Variants in SLC4A4 observed in about 807,000 individuals in gnomAD.
The protein encoded by SLC4A4 is solute carrier family 4 member 4.
A neutral mutation model predicts 111.5 loss-of-function variants in SLC4A4; 27 were observed. That is an observed-to-expected ratio of 0.24 (90% CI 0.18 to 0.33). The LOEUF (loss-of-function observed/expected upper bound fraction) is 0.33, where lower values mean the gene tolerates loss of function less well. SLC4A4 is among the 10% of genes least tolerant of loss of function. SLC4A4 has a pLI of 1.00. For synonymous variants in SLC4A4, 443 were observed against 463.4 expected, an observed-to-expected ratio of 0.96 and a Z score of 0.57; for missense variants, 909 against 1,315.5, an observed-to-expected ratio of 0.69 and a Z score of 4.78.
chr4:71,390,225 C>T (rs1719132476), intron 6 of SLC4A4, among the ~76,000 whole-genome samples: 1 of 152,124 alleles, frequency 6.6e-6, no homozygotes, highest in Non-Finnish European at 1.5e-5. Context: ...CTTTGTCAAT[C>T]AAACTCATTG....
At chr4:71,548,600 G>A (rs1735738795) in intron 20 of SLC4A4, among the ~76,000 whole-genome samples, 1 of 151,582 alleles carries the variant, frequency 6.6e-6, no homozygotes, top group African/African-American at 2.4e-5. Context: ...ATTCACCCAT[G>A]GACCTAACAG....
At chr4:71,564,309 T>C (rs998212455) in intron 24 of SLC4A4, among the ~76,000 whole-genome samples, 4 of 151,852 alleles carry the variant, frequency 2.6e-5, no homozygotes, top group African/African-American at 9.7e-5. Flanking sequence ...CTCTCAGTGA[T>C]CAATAAATCA....
At position 71,466,530 on chromosome 4, in the gene SLC4A4, C is replaced by T. The variant is rs766536612; in HGVS notation, c.1584C>T (p.Ser528=). The change falls in exon 13 of 26, where the codon AGC becomes AGT. Residue 528 remains serine, a synonymous_variant. Transcript: ENST00000264485. ...FAGQPLTILS[S]TGPVLVFERL... ...GTCAACCACTCACTATTCTGAGCAG[C>T]ACCGGACCTGTCCTAGTTTTTGAGA... The T allele has an allele frequency of 3.1e-6, 5 of 1,613,528 alleles. No individual in the cohort carries two copies. The highest frequency in any genetic ancestry group is 4.2e-6 in the Non-Finnish European group (5 of 1,179,722).
At chr4:71,443,083 A>ACTCTCTCTCTCTCTCTCTCT (rs1180993467) in intron 8 of SLC4A4, among the ~76,000 whole-genome samples, 2 of 31,450 alleles carry the variant, frequency 6.4e-5, no homozygotes, top group African/African-American at 3.9e-4. Context: ...AGAGGCCACT[A>ACTCTCTCTCTCTCTCTCTCT]CTCTCTCTCT....
At chr4:71,370,645 A>G (rs558434493) in intron 6 of SLC4A4, among the ~76,000 whole-genome samples, 1 of 152,252 alleles carries the variant, frequency 6.6e-6, no homozygotes, top group Non-Finnish European at 1.5e-5. Flanking sequence ...TAAATTAGAA[A>G]TATCTAAAGT....
At chr4:71,356,928 A>G (rs1730334195) in intron 5 of SLC4A4, 80 bp from the exon 6 acceptor site, 1 of 1,257,880 alleles carries the variant, frequency 7.9e-7, no homozygotes, top group South Asian at 1.3e-5. Context: ...TTTGAGGGTG[A>G]CATCCATAAA....
At chr4:71,296,637 A>G (rs1724816559) in intron 3 of SLC4A4, among the ~76,000 whole-genome samples, 1 of 152,214 alleles carries the variant, frequency 6.6e-6, no homozygotes, top group African/African-American at 2.4e-5. Context: ...GATGATTTCT[A>G]CTAACTATAT....
intron 2 of SLC4A4, among the ~76,000 whole-genome samples, chr4:71,143,215 T>C (rs180946930): frequency 5.3e-5 from 8 of 152,290 alleles, no homozygotes; most frequent in Admixed American, 3.9e-4. Context: ...TTTTTGTCCT[T>C]GTGATAGTTT....
At chr4:71,298,246 C>G (rs1724964783) in intron 3 of SLC4A4, among the ~76,000 whole-genome samples, 1 of 152,110 alleles carries the variant, frequency 6.6e-6, no homozygotes, top group South Asian at 2.1e-4. Flanking sequence ...AACTAATATA[C>G]CCAGCTTGGG....
intron 1 of SLC4A4, among the ~76,000 whole-genome samples, chr4:71,199,817 T>G (rs1002218981): frequency 6.6e-6 from 1 of 151,990 alleles, no homozygotes; most frequent in African/African-American, 2.4e-5. Context: ...TGCCTGGCTA[T>G]GTTTTGAATT....
At chr4:71,361,048 T>G (rs1295885964) in intron 6 of SLC4A4, among the ~76,000 whole-genome samples, 1 of 152,080 alleles carries the variant, frequency 6.6e-6, no homozygotes, top group African/African-American at 2.4e-5. Flanking sequence ...TTCTCCACCC[T>G]GAGAACAGAG....
At chr4:71,346,441 G>T (rs1293779813) in intron 4 of SLC4A4, among the ~76,000 whole-genome samples, 1 of 151,322 alleles carries the variant, frequency 6.6e-6, no homozygotes, top group Non-Finnish European at 1.5e-5. Flanking sequence ...GTGGCTTTTA[G>T]TATACTATTG....
intron 3 of SLC4A4, among the ~76,000 whole-genome samples, chr4:71,282,644 A>G (rs1176558140): frequency 6.6e-6 from 1 of 150,922 alleles, no homozygotes; most frequent in Non-Finnish European, 1.5e-5. Context: ...GTACAGTGGC[A>G]TGATCAGGGC....
intron 3 of SLC4A4, among the ~76,000 whole-genome samples, chr4:71,335,753 A>T (rs1341349586): frequency 6.6e-6 from 1 of 151,936 alleles, no homozygotes; most frequent in Admixed American, 6.6e-5. Context: ...TGAACCCGGG[A>T]GGCGGAGCTT....
intron 1 of SLC4A4, among the ~76,000 whole-genome samples, chr4:71,225,471 G>C (rs966461307): frequency 5.3e-5 from 8 of 152,088 alleles, no homozygotes; most frequent in Non-Finnish European, 8.8e-5. Flanking sequence ...AAAATAAGAT[G>C]GCATCCAGAA....
intron 1 of SLC4A4, among the ~76,000 whole-genome samples, chr4:71,089,580 G>A (rs1375389269): frequency 6.6e-6 from 1 of 151,946 alleles, no homozygotes; most frequent in Non-Finnish European, 1.5e-5. Flanking sequence ...GTTTTGGCGT[G>A]GATGTCCTTT....
intron 2 of SLC4A4, among the ~76,000 whole-genome samples, chr4:71,115,554 A>G (rs1743222381): frequency 6.6e-6 from 1 of 152,196 alleles, no homozygotes; most frequent in Non-Finnish European, 1.5e-5. Context: ...TGTCTTCATA[A>G]TAAACAGTTT....
chr4:71,131,504 A>C, intron 2 of SLC4A4, among the ~76,000 whole-genome samples: 1 of 152,234 alleles, frequency 6.6e-6, no homozygotes, highest in East Asian at 1.9e-4. Flanking sequence ...GGTTCTAATT[A>C]GCTGCCAATC....
chr4:71,234,430 C>CTTTTCTT, intron 1 of SLC4A4, among the ~76,000 whole-genome samples: 1 of 152,216 alleles, frequency 6.6e-6, no homozygotes, highest in South Asian at 2.1e-4. Context: ...CTTCTTAAGT[C>CTTTTCTT]TTTTCTTTTT....
Sources: gnomAD v4.1 joint callset for allele counts (sites outside exome capture counted in the v4.1 genomes callset) on GRCh38, gnomAD v4.1.1 for gene constraint, MANE v1.5 for transcripts, NCBI Gene and HGNC (gene_info 2026-07-23, HGNC 2026-07-21) for gene names.